WRN: variants seen among roughly 807,000 people sequenced by gnomAD.
The protein encoded by WRN is WRN RecQ like helicase.
WRN carries 149 observed loss-of-function variants against 180.7 expected under a neutral mutation model. The observed-to-expected ratio is 0.82, with a 90% CI of 0.72 to 0.94. The LOEUF (loss-of-function observed/expected upper bound fraction) is 0.94, where lower values mean the gene tolerates loss of function less well. WRN is among the 40% of genes least tolerant of loss of function. The pLI is 0.00. For synonymous variants in WRN, 548 were observed against 568.9 expected (o/e 0.96, Z 0.52); for missense variants, 1,661 against 1,700.1 (o/e 0.98, Z 0.40).
chr8:31,081,223 A>T lies in WRN; in HGVS notation c.1196A>T (p.Glu399Val). The T allele has an allele frequency of 1.9e-6, 3 of 1,613,118 alleles. No homozygotes were observed. The highest frequency in any genetic ancestry group is 2.2e-5 in the South Asian group (2 of 90,996). ...RACLMSLDIT[E>V]HELQILEQQS... ...TGTTTGATGTCGTTAGATATTACAG[A>T]ACATGAACTCCAAATTTTGGAACAG... Residue 399 changes from glutamate (E) to valine (V), a missense_variant, in exon 9 of 35, where the codon GAA becomes GTA. Glu to Val is a moderately radical substitution (Grantham distance 121). This residue lies in a region of WRN where 500 missense variants were observed against 504.1 expected (regional missense o/e 0.99). Transcript: ENST00000298139.
chr8:31,068,711 G>C (rs1812801804), intron 7 of WRN, among the ~76,000 whole-genome samples: 1 of 152,172 alleles, frequency 6.6e-6, no homozygotes, highest in Non-Finnish European at 1.5e-5. Context: ...CAAGATGGTA[G>C]CTAATAAACA....
chr8:31,127,505 G>A (rs1333192215), intron 23 of WRN, among the ~76,000 whole-genome samples: 1 of 152,030 alleles, frequency 6.6e-6, no homozygotes, highest in Non-Finnish European at 1.5e-5. Flanking sequence ...GACAAAAGAA[G>A]CATTATTAGG....
intron 34 of WRN, among the ~76,000 whole-genome samples, chr8:31,169,779 G>T (rs1024731506): frequency 7.2e-5 from 11 of 151,984 alleles, no homozygotes; most frequent in African/African-American, 2.4e-4. Context: ...TGTCTCTGTT[G>T]TACCTGTCCT....
At position 31,173,706 on chromosome 8, in the gene WRN, A is replaced by G. The variant is rs11574417; in HGVS notation, c.*604A>G. 1.9e-4 allele frequency: 31 copies of G among 161,884 alleles called. No individual in the cohort carries two copies. The highest frequency in any genetic ancestry group is 6.2e-4 in the African/African-American group (26 of 41,944). The allele number at this position is 161,884 out of a possible 1,614,324, so 10.0% of individuals were successfully genotyped here. A position where few individuals can be genotyped will look rare whatever the true frequency, so the allele number is the denominator to read the frequency against. ...GGCAAGTGTATATTTTGTATTTTAT[A>G]TACAATTTCTATTATTTTTCAAGTA... On this transcript the variant is annotated 3_prime_UTR_variant, in exon 35 of 35. Coordinates refer to ENST00000298139, the MANE Select transcript of WRN (RefSeq NM_000553.6).
rs1190557362 is a variant in WRN at position 31,059,059 on chromosome 8, A to G, written c.97-94A>G. On this transcript the variant is annotated intron_variant, in intron 2 of 34. Transcript: ENST00000298139. ...ACATTAATTGATAAAACTTAGAACT[A>G]TAAATTGAATGCTTCAGTGAACTTT... 2.8e-5 allele frequency: 27 copies of G among 953,578 alleles called. No individual in the cohort carries two copies. The East Asian group carries it at 6.0e-4, about 21-fold the overall frequency. The allele number at this position is 953,578 out of a possible 1,614,324, so 59.1% of individuals were successfully genotyped here. A position where few individuals can be genotyped will look rare whatever the true frequency, so the allele number is the denominator to read the frequency against.
chr8:31,149,345 G>A (rs71506519), intron 30 of WRN, among the ~76,000 whole-genome samples: 1 of 150,424 alleles, frequency 6.6e-6, no homozygotes, highest in Non-Finnish European at 1.5e-5. Flanking sequence ...TGCAGTGAGC[G>A]GAGATCGCGC....
At chr8:31,124,302 G>A (rs1801834685) in intron 21 of WRN, among the ~76,000 whole-genome samples, 1 of 151,824 alleles carries the variant, frequency 6.6e-6, no homozygotes, top group South Asian at 2.1e-4. Flanking sequence ...TTTTTCAAAA[G>A]CAATTTTTAT....
intron 30 of WRN, among the ~76,000 whole-genome samples, chr8:31,149,873 T>TA (rs140339789): frequency 8.8e-4 from 134 of 152,232 alleles, no homozygotes; most frequent in African/African-American, 3.0e-3. Context: ...CAATAAGAAA[T>TA]ATTGAGCTAA....
At chr8:31,142,963 A>T (rs779223593) in intron 27 of WRN, among the ~76,000 whole-genome samples, 1 of 151,890 alleles carries the variant, frequency 6.6e-6, no homozygotes, top group Admixed American at 6.6e-5. Flanking sequence ...GGCTTAGAGT[A>T]GTCACATGTT....
intron 17 of WRN, 86 bp from the exon 18 acceptor site, chr8:31,100,763 A>G: frequency 3.6e-6 from 4 of 1,111,540 alleles, no homozygotes; most frequent in Non-Finnish European, 5.3e-6. Flanking sequence ...TGATTTGGTT[A>G]TTTATTCTCC....
intron 30 of WRN, among the ~76,000 whole-genome samples, chr8:31,149,466 T>G (rs1051427137): frequency 2.2e-5 from 1 of 45,558 alleles, no homozygotes; most frequent in East Asian, 6.0e-4. Flanking sequence ...TTTTTTTTTT[T>G]TTTTTTTTTT....
At position 31,083,876 on chromosome 8, in the gene WRN, A is replaced by G. The variant is rs909674596; in HGVS notation, c.1350+97A>G. The G allele has an allele frequency of 5.0e-5, 64 of 1,274,314 alleles. No homozygotes were observed. The African/African-American group carries it at 7.3e-4, about 14-fold the overall frequency. 78.9% of individuals were successfully genotyped at this position (1,274,314 alleles called of 1,614,324 possible). A position where few individuals can be genotyped will look rare whatever the true frequency, so the allele number is the denominator to read the frequency against. On this transcript the variant is annotated intron_variant, in intron 10 of 34. Transcript: ENST00000298139. ...TAATTCTAAACTAGGTTCTACCACA[A>G]TGAAATTGCTACTAATTATGTAACA...
chr8:31,137,165 A>G (rs1451404065), intron 24 of WRN, among the ~76,000 whole-genome samples: 3 of 151,942 alleles, frequency 2.0e-5, no homozygotes, highest in South Asian at 4.2e-4. Flanking sequence ...AAGGTATATC[A>G]TCCTCTTCAT....
rs201661079 is a variant in WRN, at chr8:31,154,717, A to T, written c.3781A>T (p.Ile1261Phe). Residue 1261 changes from isoleucine (I) to phenylalanine (F), a missense_variant, in exon 32 of 35, where the codon ATC becomes TTC. Physicochemically the swap from Ile to Phe is conservative, Grantham distance 21 (BLOSUM62 0). Around this residue, in one of 3 missense-constraint regions of WRN, gnomAD observed 1,141 missense variants for 1,149.4 expected, o/e 0.99. Transcript: ENST00000298139. ...ATGCACACTTTCACAGTCTATGGCC[A>T]TCACATACTCTTTATTCCAAGAAAA... ...KICTLSQSMA[I>F]TYSLFQEKKM... 6.2e-7 allele frequency: 1 copy of T among 1,613,640 alleles called. No individual in the cohort carries two copies. Among genetic ancestry groups the T allele is most frequent in the Non-Finnish European group, 8.5e-7 (1 of 1,179,722 alleles).
chr8:31,054,962 A>G (rs763303358), intron 1 of WRN, among the ~76,000 whole-genome samples: 1 of 152,186 alleles, frequency 6.6e-6, no homozygotes, highest in Non-Finnish European at 1.5e-5. Flanking sequence ...ATAAGTGAGA[A>G]CATGTGGTAT....
intron 22 of WRN, 43 bp from the exon 23 acceptor site, chr8:31,124,865 C>G (rs771257554): frequency 6.4e-7 from 1 of 1,552,374 alleles, no homozygotes; most frequent in Non-Finnish European, 8.9e-7. Context: ...TTAACATATA[C>G]GTTTCTGTTC....
intron 1 of WRN, among the ~76,000 whole-genome samples, chr8:31,041,932 A>G (rs1811675514): frequency 6.6e-6 from 1 of 152,218 alleles, no homozygotes; most frequent in African/African-American, 2.4e-5. Flanking sequence ...AGATAGTAAT[A>G]AAGCCAGAAG....
chr8:31,048,644 C>A (rs1811963413), intron 1 of WRN, among the ~76,000 whole-genome samples: 1 of 151,926 alleles, frequency 6.6e-6, no homozygotes. Flanking sequence ...GAAATCAAGC[C>A]CAGAATTTTT....
At chr8:31,165,980 A>G (rs115118764) in intron 33 of WRN, among the ~76,000 whole-genome samples, 9,602 of 144,222 alleles carry the variant, frequency 0.067, 329 homozygotes, top group African/African-American at 0.09. Flanking sequence ...TGAAACTTTA[A>G]TTAGTTAACC....
Sources: gnomAD v4.1 joint callset for allele counts (sites outside exome capture counted in the v4.1 genomes callset) on GRCh38, gnomAD v4.1.1 for gene constraint, gnomAD v4.1.1 regional missense constraint, MANE v1.5 for transcripts, NCBI Gene and HGNC (gene_info 2026-07-23, HGNC 2026-07-21) for gene names.